The following MTR variants were observed in gnomAD, a reference collection of about 807,000 sequenced individuals.
MTR encodes 5-methyltetrahydrofolate-homocysteine methyltransferase, also known as methionine synthase.
MTR carries 84 observed loss-of-function variants against 154.8 expected under a neutral mutation model. The observed-to-expected ratio is 0.54, with a 90% CI of 0.45 to 0.65. The LOEUF is 0.65. Ranked by LOEUF, MTR falls within the 30% of genes least tolerant of loss-of-function variation. The probability of loss-of-function intolerance (pLI) is 0.00; values close to 1 mark genes in which losing one functional copy is unlikely to be tolerated. For synonymous variants in MTR, 554 were observed against 553.9 expected (o/e 1.00, Z 0.00); for missense variants, 1,275 against 1,570.2 (o/e 0.81, Z 3.18).
rs780820342 is a variant in MTR at position 236,889,324 on chromosome 1, G to C, written c.2995G>C (p.Asp999His). Reference sequence around the variant, plus strand: ...TCGAGGCTTTCCCAAGATATTTAACGACAAAACAGTAGGTTAGTGCAGTAA... The same window carrying C: ...TCGAGGCTTTCCCAAGATATTTAACCACAAAACAGTAGGTTAGTGCAGTAA... ...PNRGFPKIFNDKTVGGEARKV... is the reference protein window; with the variant it reads ...PNRGFPKIFNHKTVGGEARKV... Residue 999 changes from aspartate to histidine, a missense_variant, in exon 28 of 33, where the codon GAC (aspartate) becomes CAC (histidine). By Grantham distance (81) the Asp-to-His change is moderately conservative. Coordinates refer to ENST00000366577, the MANE Select transcript of MTR (RefSeq NM_000254.3). 1.2e-6 allele frequency: 2 copies of C among 1,614,182 alleles called. No homozygotes were observed. The highest frequency in any genetic ancestry group is 1.1e-5 in the South Asian group (1 of 91,074).
At chr1:236,841,915 C>T (rs1364168393) in intron 15 of MTR, among the ~76,000 whole-genome samples, 1 of 142,764 alleles carries the variant, frequency 7.0e-6, no homozygotes, top group Non-Finnish European at 1.5e-5. Flanking sequence ...TTTTTTGAGA[C>T]GGAGTCTCGC....
rs560603359 is a variant in MTR, at chr1:236,832,075, T to G, written c.1185T>G (p.Tyr395Ter). 6.2e-7 allele frequency: 1 copy of G among 1,611,366 alleles called. No homozygotes were observed. Among genetic ancestry groups the G allele is most frequent in the African/African-American group, 1.3e-5 (1 of 74,982 alleles). Residue 395 changes from tyrosine (Y) to a stop codon, truncating the protein, a stop_gained, in exon 13 of 33, where the codon TAT becomes TAG. Coordinates refer to ENST00000366577, the MANE Select transcript of MTR (RefSeq NM_000254.3). LOFTEE classifies it high-confidence loss of function. ...CTAAACTCATCATGGCAGGAAACTA[T>G]GAAGTGAGCATCTTAATAAGACCCC... is the stretch of plus-strand genomic sequence containing the variant. Reference protein sequence around the residue: ...KFAKLIMAGNYEEALCVAKVQ... With the variant: ...KFAKLIMAGN
rs186306327 is a variant in MTR, at chr1:236,867,952, C to G, written c.2405+4398C>G. On this transcript the variant is annotated intron_variant, in intron 22 of 32. Coordinates refer to ENST00000366577, the MANE Select transcript of MTR (RefSeq NM_000254.3). ...ATGGCTATGAACAGTGTTGAAATAACAACAGAGGATTTAGAATAAACAGCA... is the reference window on the plus strand; with the variant it reads ...ATGGCTATGAACAGTGTTGAAATAAGAACAGAGGATTTAGAATAAACAGCA... Among the ~76,000 whole-genome samples the G allele has an allele frequency of 4.2e-3, 634 of 152,202 alleles. 9 individuals are homozygous for G. The highest frequency in any genetic ancestry group is 0.015 in the African/African-American group (613 of 41,518).
chr1:236,810,726 C>T (rs1026373187), intron 5 of MTR, 131 bp downstream of exon 5: 23 of 762,308 alleles, frequency 3.0e-5, no homozygotes, highest in South Asian at 7.2e-5. Flanking sequence ...CCATGTAAAA[C>T]GTGTACAGCA....
chr1:236,802,084 C>G (rs1005509813), intron 1 of MTR, among the ~76,000 whole-genome samples: 1 of 152,042 alleles, frequency 6.6e-6, no homozygotes, highest in Non-Finnish European at 1.5e-5. Context: ...GAAGGTGGGA[C>G]CATTGTGCAT....
At chr1:236,872,323 G>A (rs537664254) in intron 22 of MTR, among the ~76,000 whole-genome samples, 36 of 152,204 alleles carry the variant, frequency 2.4e-4, no homozygotes, top group Non-Finnish European at 4.0e-4. Context: ...CCCATCTAGA[G>A]TCTGCCTTTC....
At chr1:236,867,196 G>C (rs2385569) in intron 22 of MTR, among the ~76,000 whole-genome samples, 7 of 151,950 alleles carry the variant, frequency 4.6e-5, no homozygotes, top group Non-Finnish European at 5.9e-5. Flanking sequence ...TGACTCTCTT[G>C]TGGAGGGGCT....
intron 29 of MTR, among the ~76,000 whole-genome samples, chr1:236,893,475 A>C (rs1027492455): frequency 2.0e-5 from 3 of 152,280 alleles, no homozygotes; most frequent in Non-Finnish European, 2.9e-5. Context: ...CCAGTTGATC[A>C]AGCTTCCTAT....
intron 1 of MTR, among the ~76,000 whole-genome samples, chr1:236,799,614 T>G (rs1660595278): frequency 6.6e-6 from 1 of 152,198 alleles, no homozygotes; most frequent in South Asian, 2.1e-4. Context: ...TATAGGTATT[T>G]TTAATTCACA....
chr1:236,831,429 GTC>G (rs923421631), intron 12 of MTR, among the ~76,000 whole-genome samples: 1 of 152,182 alleles, frequency 6.6e-6, no homozygotes, highest in Non-Finnish European at 1.5e-5. Flanking sequence ...AGTGACTCCT[GTC>G]TCTCAGGTCT....
At chr1:236,880,619 A>G in intron 24 of MTR, 136 bp from the exon 25 acceptor site, 1 of 775,204 alleles carries the variant, frequency 1.3e-6, no homozygotes, top group South Asian at 1.5e-5. Context: ...GAAGTTCAGT[A>G]TTTGTAGGTA....
In MTR at chr1:236,804,155, C is replaced by T. The variant is rs188441747; in HGVS notation, c.249+513C>T. On this transcript the variant is annotated intron_variant, in intron 2 of 32. Coordinates refer to ENST00000366577, the MANE Select transcript of MTR (RefSeq NM_000254.3). ...GATAGCTGTCTTTGTATCTACATGA[C>T]GGAGAGCAGAGAGAGAACAAAAAAC... 1.8e-3 allele frequency among the ~76,000 whole-genome samples: 271 copies of T among 152,244 alleles called. 1 individual carries two copies. The highest frequency in any genetic ancestry group is 5.0e-3 in the African/African-American group (208 of 41,554).
rs1050996 is a variant in MTR at position 236,900,035 on chromosome 1, G to A, written c.*2391G>A. On this transcript the variant is annotated 3_prime_UTR_variant, in exon 33 of 33. Coordinates refer to ENST00000366577, the MANE Select transcript of MTR (RefSeq NM_000254.3). ...CTTACAGACTTGAACATTTGCAGAC[G>A]TTATGATCTTGCTTCCAACTCCCAC... is the stretch of plus-strand genomic sequence containing the variant. 1 of 252,148 alleles carries A rather than the reference G, an allele frequency of 4.0e-6. No homozygotes were observed. Among genetic ancestry groups the A allele is most frequent in the South Asian group, 4.4e-5 (1 of 22,524 alleles). 15.6% of individuals were successfully genotyped at this position (252,148 alleles called of 1,614,324 possible). A position where few individuals can be genotyped will look rare whatever the true frequency, so the allele number is the denominator to read the frequency against.
intron 21 of MTR, 54 bp from the exon 22 acceptor site, chr1:236,863,400 G>C (rs898657186): frequency 2.1e-6 from 3 of 1,413,436 alleles, no homozygotes; most frequent in Non-Finnish European, 3.0e-6. Flanking sequence ...TGGAGAACTA[G>C]GTGTTCCACC....
chr1:236,823,985 A>T, intron 8 of MTR, 134 bp from the exon 9 acceptor site: 2 of 744,910 alleles, frequency 2.7e-6, no homozygotes, highest in Non-Finnish European at 4.7e-6. Context: ...CTTTGATGGT[A>T]GTTGAATAAA....
chr1:236,895,509 A>T lies in MTR; in HGVS notation c.3557A>T (p.Lys1186Met). Residue 1186 changes from lysine to methionine, a missense_variant, in exon 31 of 33, where the codon AAG (lysine) becomes ATG (methionine). Coordinates refer to ENST00000366577, the MANE Select transcript of MTR (RefSeq NM_000254.3). Reference sequence around the variant, plus strand: ...CCCAGCCAGCCCGACCACACCGAGAAGCTCACCATGTGGAGACTCGCAGAC... The same window carrying T: ...CCCAGCCAGCCCGACCACACCGAGATGCTCACCATGTGGAGACTCGCAGAC... ...GYPSQPDHTE[K>M]LTMWRLADIE... 6.3e-7 allele frequency: 1 copy of T among 1,593,016 alleles called. No individual in the cohort carries two copies. Among genetic ancestry groups the T allele is most frequent in the Non-Finnish European group, 8.6e-7 (1 of 1,168,926 alleles).
At chr1:236,842,445 T>C (rs895428616) in intron 15 of MTR, among the ~76,000 whole-genome samples, 3 of 152,180 alleles carry the variant, frequency 2.0e-5, no homozygotes, top group African/African-American at 4.8e-5. Flanking sequence ...CTAATTTTCT[T>C]ATATTTCTTT....
intron 16 of MTR, among the ~76,000 whole-genome samples, chr1:236,851,753 C>T (rs1663917568): frequency 1.3e-5 from 2 of 152,198 alleles, no homozygotes; most frequent in South Asian, 2.1e-4. Context: ...AAAATAGAAT[C>T]GTAATATTTT....
intron 15 of MTR, among the ~76,000 whole-genome samples, chr1:236,847,892 C>CA (rs749192207): frequency 2.0e-5 from 3 of 152,184 alleles, no homozygotes; most frequent in Non-Finnish European, 4.4e-5. Context: ...AATCCACCAG[C>CA]ACGATTGAGG....
Sources: gnomAD v4.1 joint callset for allele counts (sites outside exome capture counted in the v4.1 genomes callset) on GRCh38, gnomAD v4.1.1 for gene constraint, MANE v1.5 for transcripts, NCBI Gene and HGNC (gene_info 2026-07-23, HGNC 2026-07-21) for gene names.